Variants in WWOX observed in about 807,000 individuals in gnomAD.
The protein encoded by WWOX is WW domain-containing oxidoreductase.
A neutral mutation model predicts 46.2 loss-of-function variants in WWOX; 69 were observed. The ratio of observed to expected loss-of-function variants is 1.49; its 90% CI spans 1.23 to 1.82. The LOEUF (loss-of-function observed/expected upper bound fraction) is 1.82. Ranked by LOEUF, WWOX falls within the 40% of genes most tolerant of loss-of-function variation. The probability of loss-of-function intolerance (pLI) is 0.00; values close to 1 mark genes in which losing one functional copy is unlikely to be tolerated. For missense variants in WWOX, 919 were observed against 542.6 expected (o/e 1.69, Z -6.89); for synonymous variants, 359 against 202.6 (o/e 1.77, Z -6.56).
intron 5 of WWOX, among the ~76,000 whole-genome samples, chr16:78,233,275 T>C (rs2037327662): frequency 6.6e-6 from 1 of 151,176 alleles, no homozygotes; most frequent in South Asian, 2.1e-4. Flanking sequence ...CCTTTTCCAA[T>C]CATAATAGCC....
chr16:78,467,460 C>G (rs945223824), intron 8 of WWOX, among the ~76,000 whole-genome samples: 7 of 152,216 alleles, frequency 4.6e-5, no homozygotes, highest in Non-Finnish European at 8.8e-5. Context: ...AGACTGTAGA[C>G]TAAGGCAGGA....
chr16:78,419,062 C>T (rs1245437611), intron 6 of WWOX, among the ~76,000 whole-genome samples: 1 of 152,048 alleles, frequency 6.6e-6, no homozygotes, highest in Non-Finnish European at 1.5e-5. Flanking sequence ...TAGAAAGGTA[C>T]TTAAAAAATA....
rs2037427849 is a variant in WWOX, at chr16:78,236,081, A to AGTGGGCCAGATTCAGCCC, written c.516+71801_516+71818dup. On this transcript the variant is annotated intron_variant, in intron 5 of 8. Transcript: ENST00000566780. ...TAAAACTTTATTTATAGGAACAGGC[A>AGTGGGCCAGATTCAGCCC]GTGGGCCAGATTCAGCCCGTGGGCC... is the stretch of plus-strand genomic sequence containing the variant. Among the ~76,000 whole-genome samples, 2 of 152,232 alleles carry AGTGGGCCAGATTCAGCCC rather than the reference A, an allele frequency of 1.3e-5. 1 individual carries two copies. Among genetic ancestry groups the AGTGGGCCAGATTCAGCCC allele is most frequent in the East Asian group, 3.9e-4 (2 of 5,194 alleles).
chr16:78,745,504 G>C (rs959713988), intron 8 of WWOX, among the ~76,000 whole-genome samples: 29 of 148,544 alleles, frequency 2.0e-4, no homozygotes, highest in African/African-American at 6.7e-4. Context: ...ACTCCATAGA[G>C]AGGGGTTTGT....
chr16:79,150,598 G>C (rs895811786), intron 8 of WWOX, among the ~76,000 whole-genome samples: 4 of 152,184 alleles, frequency 2.6e-5, no homozygotes, highest in African/African-American at 9.7e-5. Context: ...AAACTTGCCA[G>C]AACCTCCAGT....
intron 6 of WWOX, among the ~76,000 whole-genome samples, chr16:78,391,470 C>G (rs528564476): frequency 7.2e-5 from 11 of 152,288 alleles, no homozygotes; most frequent in South Asian, 6.2e-4. Flanking sequence ...CTCTCTGAAT[C>G]CAAAACGACT....
chr16:78,855,530 T>C (rs1273430963), intron 8 of WWOX, among the ~76,000 whole-genome samples: 2 of 152,192 alleles, frequency 1.3e-5, no homozygotes, highest in African/African-American at 4.8e-5. Flanking sequence ...AATTTGTAAA[T>C]GTGGCAGACA....
intron 8 of WWOX, among the ~76,000 whole-genome samples, chr16:78,991,414 G>C (rs2046883867): frequency 6.6e-6 from 1 of 151,912 alleles, no homozygotes; most frequent in Non-Finnish European, 1.5e-5. Flanking sequence ...GTCAACACAA[G>C]GAGACTTCAT....
At chr16:78,810,739 C>T (rs73577409) in intron 8 of WWOX, among the ~76,000 whole-genome samples, 1 of 152,088 alleles carries the variant, frequency 6.6e-6, no homozygotes, top group African/African-American at 2.4e-5. Context: ...TAGATTTGCT[C>T]CCTTCTGTAG....
At chr16:78,510,315 C>T (rs564854487) in intron 8 of WWOX, among the ~76,000 whole-genome samples, 112 of 152,292 alleles carry the variant, frequency 7.4e-4, no homozygotes, top group African/African-American at 2.1e-3. Flanking sequence ...AACTGATTCT[C>T]CTGCCTCCGC....
intron 8 of WWOX, among the ~76,000 whole-genome samples, chr16:78,687,179 C>G (rs545000547): frequency 1.3e-5 from 2 of 152,212 alleles, no homozygotes; most frequent in Admixed American, 1.3e-4. Context: ...TTACACTGTT[C>G]AACACAGTTC....
chr16:79,197,212 C>G (rs961490414), intron 8 of WWOX, among the ~76,000 whole-genome samples: 45 of 152,322 alleles, frequency 3.0e-4, no homozygotes, highest in African/African-American at 8.9e-4. Flanking sequence ...CCCACAGTGC[C>G]TACCACATCC....
rs1304183924 is a variant in WWOX at position 78,915,411 on chromosome 16, A to G, written c.1057-296197A>G. Among the ~76,000 whole-genome samples, 3 of 152,192 alleles carry G rather than the reference A, an allele frequency of 2.0e-5. No individual in the cohort carries two copies. The East Asian group carries it at 5.8e-4, about 29-fold the overall frequency. ...ATCTAAATAGCTTAATTGTTACTCT[A>G]CAGGGCAATCATAAATGTAAATCGA... On this transcript the variant is annotated intron_variant, in intron 8 of 8. Coordinates refer to ENST00000566780, the MANE Select transcript of WWOX (RefSeq NM_016373.4).
At chr16:78,823,411 C>G (rs565593824) in intron 8 of WWOX, among the ~76,000 whole-genome samples, 2 of 152,250 alleles carry the variant, frequency 1.3e-5, no homozygotes, top group South Asian at 4.2e-4. Context: ...GCAGGTGCTT[C>G]CTAAAGCAGA....
chr16:78,726,320 G>T (rs937897471), intron 8 of WWOX, among the ~76,000 whole-genome samples: 1 of 151,592 alleles, frequency 6.6e-6, no homozygotes, highest in African/African-American at 2.4e-5. Flanking sequence ...AACCTCCTGG[G>T]GTCAAGTGAT....
At chr16:78,965,297 G>T (rs180771228) in intron 8 of WWOX, among the ~76,000 whole-genome samples, 4 of 152,134 alleles carry the variant, frequency 2.6e-5, no homozygotes, top group African/African-American at 9.7e-5. Flanking sequence ...GGCCAGACAC[G>T]GTGGCTCATG....
intron 5 of WWOX, among the ~76,000 whole-genome samples, chr16:78,226,545 CCTTTT>C (rs777360446): frequency 8.5e-5 from 12 of 140,538 alleles, no homozygotes; most frequent in Admixed American, 1.4e-4. Flanking sequence ...CTCCTCCTCT[CCTTTT>C]CTTTTCTTTT....
At chr16:78,714,622 T>A (rs879801840) in intron 8 of WWOX, among the ~76,000 whole-genome samples, 2 of 152,000 alleles carry the variant, frequency 1.3e-5, no homozygotes, top group Non-Finnish European at 2.9e-5. Flanking sequence ...TACTTAAAAG[T>A]GTGGAAGCAG....
chr16:78,659,933 A>C (rs371963173), intron 8 of WWOX, among the ~76,000 whole-genome samples: 1 of 152,176 alleles, frequency 6.6e-6, no homozygotes, highest in Non-Finnish European at 1.5e-5. Context: ...CACCACCAGA[A>C]ATTTAACATG....
Sources: gnomAD v4.1 joint callset for allele counts (sites outside exome capture counted in the v4.1 genomes callset) on GRCh38, gnomAD v4.1.1 for gene constraint, MANE v1.5 for transcripts, NCBI Gene and HGNC (gene_info 2026-07-23, HGNC 2026-07-21) for gene names.